The following NAALADL2 variants were observed in gnomAD, a reference collection of about 807,000 sequenced individuals.
NAALADL2 encodes the protein N-acetylated alpha-linked acidic dipeptidase like 2.
A neutral mutation model predicts 87.2 loss-of-function variants in NAALADL2; 76 were observed. The observed-to-expected ratio is 0.87, with a 90% CI of 0.72 to 1.05. The LOEUF (loss-of-function observed/expected upper bound fraction) is 1.05. Ranked by LOEUF, NAALADL2 falls within the 50% of genes least tolerant of loss-of-function variation. NAALADL2 has a pLI of 0.00. For synonymous variants in NAALADL2, 354 were observed against 331.0 expected (o/e 1.07, Z -0.75); for missense variants, 1,089 against 945.8 (o/e 1.15, Z -1.99).
chr3:175,797,031 C>T (rs563567205), intron 13 of NAALADL2, among the ~76,000 whole-genome samples: 1 of 151,834 alleles, frequency 6.6e-6, no homozygotes, highest in South Asian at 2.1e-4. Flanking sequence ...TTCACTGATA[C>T]CACCTGGAGT....
chr3:175,749,186 G>T (rs1746311141), intron 12 of NAALADL2, among the ~76,000 whole-genome samples: 4 of 102,228 alleles, frequency 3.9e-5, no homozygotes, highest in Non-Finnish European at 5.9e-5. Flanking sequence ...AGAAGGGAGA[G>T]GAGGGGAAGG....
intron 2 of NAALADL2, among the ~76,000 whole-genome samples, chr3:174,575,241 A>C (rs532663446): frequency 1.3e-5 from 2 of 152,160 alleles, no homozygotes; most frequent in African/African-American, 4.8e-5. Context: ...TTTATGAATA[A>C]CTTACTAATT....
At chr3:174,718,458 T>C (rs1245417936) in intron 2 of NAALADL2, among the ~76,000 whole-genome samples, 4 of 152,146 alleles carry the variant, frequency 2.6e-5, no homozygotes, top group African/African-American at 9.7e-5. Context: ...CTTCATTATT[T>C]TATTGACACA....
intron 2 of NAALADL2, among the ~76,000 whole-genome samples, chr3:174,610,272 C>A (rs987094794): frequency 7.2e-5 from 11 of 152,034 alleles, no homozygotes; most frequent in South Asian, 2.1e-4. Context: ...CTTCATGTCT[C>A]AAACACCAAA....
At chr3:174,857,016 G>T (rs1725927784), upstream of NAALADL2, among the ~76,000 whole-genome samples, 1 of 152,054 alleles carries the variant, frequency 6.6e-6, no homozygotes, top group African/African-American at 2.4e-5. Context: ...AGGTTAAGGG[G>T]GCCTACTGTA....
intron 5 of NAALADL2, among the ~76,000 whole-genome samples, chr3:175,413,120 ACCTC>A (rs1713900026): frequency 1.4e-5 from 2 of 141,734 alleles, no homozygotes; most frequent in African/African-American, 5.2e-5. Flanking sequence ...CAATCTCCTG[ACCTC>A]GTGATCTGCC....
chr3:174,898,112 CAAAAAAAAA>C (rs913382744), intron 1 of NAALADL2, among the ~76,000 whole-genome samples: 15 of 14,490 alleles, frequency 1.0e-3, no homozygotes, highest in African/African-American at 2.2e-3. Context: ...GACTCCGTCT[CAAAAAAAAA>C]AAAAAAAAAA....
At chr3:174,541,111 A>G (rs976965408) in intron 1 of NAALADL2, among the ~76,000 whole-genome samples, 2 of 152,170 alleles carry the variant, frequency 1.3e-5, no homozygotes, top group East Asian at 1.9e-4. Flanking sequence ...TTTAACTCCA[A>G]ACTCTTAAAC....
intron 1 of NAALADL2, among the ~76,000 whole-genome samples, chr3:174,510,078 C>T (rs1165379142): frequency 6.6e-6 from 1 of 151,598 alleles, no homozygotes; most frequent in East Asian, 1.9e-4. Context: ...GTCCATCTTG[C>T]ATTCACTTAG....
intron 3 of NAALADL2, among the ~76,000 whole-genome samples, chr3:175,237,203 C>T (rs1746058122): frequency 1.3e-5 from 2 of 152,004 alleles, no homozygotes. Context: ...TGAGCCTATT[C>T]CCTTTCTTCT....
intron 9 of NAALADL2, among the ~76,000 whole-genome samples, chr3:175,472,598 G>C (rs112694800): frequency 8.5e-5 from 13 of 152,138 alleles, no homozygotes; most frequent in African/African-American, 2.9e-4. Context: ...GACAAAGAGA[G>C]AGGCAATGAA....
chr3:175,396,198 C>A (rs533033873), intron 5 of NAALADL2, among the ~76,000 whole-genome samples: 1 of 152,100 alleles, frequency 6.6e-6, no homozygotes, highest in Admixed American at 6.6e-5. Flanking sequence ...TGACCTTATG[C>A]GTACAGGACA....
At chr3:175,403,797 G>A (rs1711803893) in intron 5 of NAALADL2, among the ~76,000 whole-genome samples, 1 of 152,042 alleles carries the variant, frequency 6.6e-6, no homozygotes, top group South Asian at 2.1e-4. Context: ...ACAAAGATTT[G>A]GTTGTGCAGA....
chr3:174,769,193 GTC>G (rs1714224663), intron 3 of NAALADL2, among the ~76,000 whole-genome samples: 1 of 151,742 alleles, frequency 6.6e-6, no homozygotes, highest in African/African-American at 2.4e-5. Flanking sequence ...TATTGTTATT[GTC>G]TCTGATATTT....
intron 2 of NAALADL2, among the ~76,000 whole-genome samples, chr3:174,651,776 T>C (rs1446429371): frequency 6.6e-6 from 1 of 152,204 alleles, no homozygotes; most frequent in Non-Finnish European, 1.5e-5. Context: ...CCACTCAAAG[T>C]TTGAATTACT....
At chr3:175,466,930 G>A (rs1724130403) in intron 7 of NAALADL2, 49 bp from the exon 8 acceptor site, 4 of 1,393,372 alleles carry the variant, frequency 2.9e-6, no homozygotes, top group African/African-American at 2.8e-5. Context: ...TAAATTTATT[G>A]TTAAGGTTTA....
chr3:175,251,631 A>C lies in NAALADL2; in HGVS notation c.820-4780A>C, dbSNP rs550220147. On this transcript the variant is annotated intron_variant, in intron 3 of 13. Coordinates refer to ENST00000454872, the MANE Select transcript of NAALADL2 (RefSeq NM_207015.3). The stretch of plus-strand genomic sequence containing the variant: ...GTGTGACAGAATAAATGCGGAAAGA[A>C]GAGGTTCATTGTAGCAACAAGAATA... Among the ~76,000 whole-genome samples the C allele has an allele frequency of 8.7e-4, 133 of 152,334 alleles. 2 individuals are homozygous for C. The South Asian group carries it at 0.026, about 29-fold the overall frequency.
chr3:174,801,765 T>C (rs1197698272), intron 3 of NAALADL2, among the ~76,000 whole-genome samples: 2 of 146,024 alleles, frequency 1.4e-5, no homozygotes, highest in Non-Finnish European at 3.0e-5. Context: ...AATTTTGCTT[T>C]ATAAAATATT....
At chr3:175,495,997 T>A (rs1728760881) in intron 9 of NAALADL2, among the ~76,000 whole-genome samples, 1 of 152,168 alleles carries the variant, frequency 6.6e-6, no homozygotes, top group Non-Finnish European at 1.5e-5. Flanking sequence ...AATTCATCCC[T>A]CCATTTATTC....
Sources: allele counts gnomAD v4.1 joint callset (sites outside exome capture counted in the v4.1 genomes callset), GRCh38; gene constraint gnomAD v4.1.1; transcripts MANE v1.5; gene names NCBI Gene and HGNC (gene_info 2026-07-23, HGNC 2026-07-21).